The following SGPP1 variants were observed in gnomAD, a reference collection of about 807,000 sequenced individuals.
The protein encoded by SGPP1 is sphingosine-1-phosphate phosphatase 1.
In SGPP1, 21 loss-of-function variants were observed where a neutral mutation model predicts 33.0. The observed-to-expected ratio is 0.64, with a 90% CI of 0.45 to 0.92. SGPP1 has a LOEUF of 0.92. Ranked by LOEUF, SGPP1 falls within the 40% of genes least tolerant of loss-of-function variation. The pLI is 0.00. For missense variants in SGPP1, 543 were observed against 589.4 expected (o/e 0.92, Z 0.81); for synonymous variants, 239 against 241.2 (o/e 0.99, Z 0.08).
In SGPP1 at chr14:63,701,762, T is replaced by C. The variant is rs565626874; in HGVS notation, c.685-3104A>G. Among the ~76,000 whole-genome samples the C allele has an allele frequency of 2.0e-5, 3 of 152,206 alleles. No homozygotes were observed. The South Asian group carries it at 6.2e-4, about 32-fold the overall frequency. On this transcript the variant is annotated intron_variant, in intron 1 of 2. Coordinates refer to ENST00000247225, the MANE Select transcript of SGPP1 (RefSeq NM_030791.4). ...GTAAAGCTGCTATGTAGAGATTAAA[T>C]TTTAAGAGAGTAAGGCAAAAACAGG...
At chr14:63,719,026 T>TA (rs1885713545) in intron 1 of SGPP1, among the ~76,000 whole-genome samples, 2 of 94,928 alleles carry the variant, frequency 2.1e-5, no homozygotes, top group Non-Finnish European at 4.3e-5. Context: ...TTTTTTTTTT[T>TA]TTTTTTTTTT....
chr14:63,699,308 T>C, intron 1 of SGPP1, among the ~76,000 whole-genome samples: 1 of 151,954 alleles, frequency 6.6e-6, no homozygotes, highest in East Asian at 1.9e-4. Flanking sequence ...ATGGCACTAG[T>C]GGAAAAGTTG....
chr14:63,710,188 T>C (rs551523982), intron 1 of SGPP1, among the ~76,000 whole-genome samples: 1 of 152,276 alleles, frequency 6.6e-6, no homozygotes, highest in Admixed American at 6.5e-5. Flanking sequence ...TGAAAACTGA[T>C]ACAACCTTTC....
chr14:63,716,353 GT>G (rs1885626035), intron 1 of SGPP1, among the ~76,000 whole-genome samples: 1 of 151,898 alleles, frequency 6.6e-6, no homozygotes, highest in Admixed American at 6.6e-5. Flanking sequence ...AATTACCTGG[GT>G]GTGGTGGCGA....
chr14:63,721,478 T>C (rs532146070), intron 1 of SGPP1, among the ~76,000 whole-genome samples: 29 of 152,216 alleles, frequency 1.9e-4, no homozygotes, highest in Non-Finnish European at 4.1e-4. Context: ...AATAAGGACT[T>C]ATAAACTCAG....
At chr14:63,712,627 T>C (rs1337180261) in intron 1 of SGPP1, among the ~76,000 whole-genome samples, 2 of 152,244 alleles carry the variant, frequency 1.3e-5, no homozygotes, top group Non-Finnish European at 2.9e-5. Flanking sequence ...CATGTGCGTA[T>C]GAAAACAGAA....
intron 2 of SGPP1, among the ~76,000 whole-genome samples, chr14:63,698,178 A>G (rs894761403): frequency 6.6e-6 from 1 of 152,214 alleles, no homozygotes; most frequent in Non-Finnish European, 1.5e-5. Flanking sequence ...GGAAAGTTTA[A>G]GTTCACATAG....
intron 2 of SGPP1, among the ~76,000 whole-genome samples, chr14:63,694,286 A>G (rs963117876): frequency 1.4e-5 from 2 of 146,482 alleles, no homozygotes; most frequent in Non-Finnish European, 3.0e-5. Context: ...AAAAGAAAAG[A>G]AAAAAAAAAA....
At chr14:63,700,134 C>G (rs1015910040) in intron 1 of SGPP1, among the ~76,000 whole-genome samples, 1 of 150,818 alleles carries the variant, frequency 6.6e-6, no homozygotes, top group Non-Finnish European at 1.5e-5. Flanking sequence ...TGAGTTCAAG[C>G]GATCCACACA....
At chr14:63,704,075 T>C (rs1885359017) in intron 1 of SGPP1, among the ~76,000 whole-genome samples, 1 of 152,028 alleles carries the variant, frequency 6.6e-6, no homozygotes, top group African/African-American at 2.4e-5. Flanking sequence ...GATCCTCCCA[T>C]TTTAGCCTCC....
intron 2 of SGPP1, among the ~76,000 whole-genome samples, chr14:63,690,060 C>G (rs757682848): frequency 2.6e-5 from 4 of 152,004 alleles, no homozygotes; most frequent in Non-Finnish European, 5.9e-5. Context: ...GAATGCTTCT[C>G]TGTTTTTTGT....
chr14:63,718,605 T>A (rs1019436911), intron 1 of SGPP1, among the ~76,000 whole-genome samples: 9 of 152,046 alleles, frequency 5.9e-5, no homozygotes, highest in African/African-American at 2.2e-4. Flanking sequence ...AGTGGAAATA[T>A]ACTGTTGCAA....
intron 2 of SGPP1, among the ~76,000 whole-genome samples, chr14:63,694,308 A>G (rs567231002): frequency 1.3e-5 from 2 of 152,174 alleles, no homozygotes; most frequent in Non-Finnish European, 2.9e-5. Flanking sequence ...GAAAAAATTC[A>G]TTAAATGTCT....
intron 1 of SGPP1, among the ~76,000 whole-genome samples, chr14:63,717,243 T>TA (rs35499270): frequency 0.077 from 10,029 of 129,620 alleles, 1,081 homozygotes; most frequent in African/African-American, 0.25. Context: ...CAAAAATGCT[T>TA]AAAAAAAAAA....
rs1179759013 is a variant in SGPP1 at position 63,727,788 on chromosome 14, G to A, written c.157C>T (p.Pro53Ser). The A allele has an allele frequency of 1.3e-6, 2 of 1,503,664 alleles. No homozygotes were observed. The highest frequency in any genetic ancestry group is 1.4e-5 in the African/African-American group (1 of 69,140). The allele number at this position is 1,503,664 out of a possible 1,614,324, so 93.1% of individuals were successfully genotyped here. A position where few individuals can be genotyped will look rare whatever the true frequency, so the allele number is the denominator to read the frequency against. Residue 53 changes from proline to serine, a missense_variant, in exon 1 of 3, where the codon CCT becomes TCT. Pro to Ser is a moderately conservative substitution (Grantham distance 74, BLOSUM62 -1). Transcript: ENST00000247225. ...CCTGGCTGCCGCCCTCGCAGTCGAG[G>A]GTCTCCGGCGAGAGGCGCCTCCGCT... Reference protein sequence around the residue: ...EKAEAPLAGDPRLRGRQPGAP... With the variant: ...EKAEAPLAGDSRLRGRQPGAP...
intron 1 of SGPP1, among the ~76,000 whole-genome samples, chr14:63,704,579 G>C (rs1885367281): frequency 6.6e-6 from 1 of 151,468 alleles, no homozygotes; most frequent in African/African-American, 2.4e-5. Context: ...GCCGGGTGTA[G>C]TGACTCACAC....
At chr14:63,689,615 G>T (rs1885053526) in intron 2 of SGPP1, among the ~76,000 whole-genome samples, 1 of 151,574 alleles carries the variant, frequency 6.6e-6, no homozygotes, top group Admixed American at 6.6e-5. Flanking sequence ...TGGCCAACAT[G>T]GTGAAACCCT....
intron 2 of SGPP1, among the ~76,000 whole-genome samples, chr14:63,690,327 G>A (rs557181976): frequency 6.6e-6 from 1 of 152,350 alleles, no homozygotes; most frequent in South Asian, 2.1e-4. Flanking sequence ...ACAGCTGTGA[G>A]CCACTGTGAC....
rs527340572 is a variant in SGPP1, at chr14:63,687,955, T to C, written c.775-1299A>G. ...GGCCAACATGGTGAAACCCTGTCTC[T>C]ACTAGAAATACAAAAGAAAATTAGC... On this transcript the variant is annotated intron_variant, in intron 2 of 2. Coordinates refer to ENST00000247225, the MANE Select transcript of SGPP1 (RefSeq NM_030791.4). Among the ~76,000 whole-genome samples the C allele has an allele frequency of 5.9e-5, 9 of 152,140 alleles. No homozygotes were observed. In the South Asian group the frequency reaches 1.9e-3, roughly 32 times the overall value.
Sources: allele counts gnomAD v4.1 joint callset (sites outside exome capture counted in the v4.1 genomes callset), GRCh38; gene constraint gnomAD v4.1.1; transcripts MANE v1.5; gene names NCBI Gene and HGNC (gene_info 2026-07-23, HGNC 2026-07-21).